Variants in TNRC18 observed in about 807,000 individuals in gnomAD.
The protein encoded by TNRC18 is trinucleotide repeat containing 18, also known as trinucleotide repeat-containing gene 18 protein.
TNRC18 carries 69 observed loss-of-function variants against 226.7 expected under a neutral mutation model. The ratio of observed to expected loss-of-function variants is 0.30; its 90% CI spans 0.25 to 0.37. The LOEUF (loss-of-function observed/expected upper bound fraction) is 0.37. Among genes scored for constraint, TNRC18 ranks in the 10% least tolerant of loss-of-function variants. TNRC18 has a pLI of 1.00. For missense variants in TNRC18, 4,754 were observed against 4,256.6 expected (o/e 1.12, Z -3.25); for synonymous variants, 2,449 against 1,927.6 (o/e 1.27, Z -7.09).
intron 27 of TNRC18, among the ~76,000 whole-genome samples, chr7:5,310,730 G>C (rs1434335535): frequency 2.0e-5 from 3 of 152,246 alleles, no homozygotes; most frequent in African/African-American, 7.2e-5. Flanking sequence ...TTCTAGAGCA[G>C]CTTTGGAAAT....
intron 14 of TNRC18, 39 bp from the exon 15 acceptor site, chr7:5,359,608 G>C: frequency 6.2e-7 from 1 of 1,610,794 alleles, no homozygotes; most frequent in Middle Eastern, 1.7e-4. Context: ...ACCCTGGCCA[G>C]ACAAGGCTCG....
At chr7:5,419,428 T>C (rs965843331) in intron 2 of TNRC18, among the ~76,000 whole-genome samples, 29 of 151,920 alleles carry the variant, frequency 1.9e-4, no homozygotes, top group African/African-American at 6.8e-4. Context: ...CTGCCACCAC[T>C]CCGGGCTGGA....
In TNRC18 at chr7:5,389,283, G is replaced by T; in HGVS notation, c.541C>A (p.Pro181Thr). Residue 181 changes from proline to threonine, a missense_variant, in exon 5 of 30, where the codon CCC becomes ACC. By Grantham distance (38) the Pro-to-Thr change is conservative. Coordinates refer to ENST00000430969, the MANE Select transcript of TNRC18 (RefSeq NM_001080495.3). Reference protein sequence around the residue: ...GAPGSLHSHAPSARTPGGGHS... With the variant: ...GAPGSLHSHATSARTPGGGHS... The stretch of plus-strand genomic sequence containing the variant: ...CCGCCGCCAGGGGTCCGGGCCGAGG[G>T]CGCGTGAGAGTGCAGGGAGCCCGGA... 1.6e-6 allele frequency: 2 copies of T among 1,290,108 alleles called. No homozygotes were observed. The highest frequency in any genetic ancestry group is 1.5e-5 in the African/African-American group (1 of 65,106). The allele number at this position is 1,290,108 out of a possible 1,614,324, so 79.9% of individuals were successfully genotyped here. A position where few individuals can be genotyped will look rare whatever the true frequency, so the allele number is the denominator to read the frequency against.
intron 17 of TNRC18, among the ~76,000 whole-genome samples, chr7:5,348,555 A>T (rs1791445364): frequency 6.6e-6 from 1 of 151,200 alleles, no homozygotes; most frequent in South Asian, 2.1e-4. Flanking sequence ...GGTTCTGTCT[A>T]CTCATGTATT....
chr7:5,422,326 G>C (rs553185912), intron 1 of TNRC18, among the ~76,000 whole-genome samples: 12 of 151,794 alleles, frequency 7.9e-5, no homozygotes, highest in African/African-American at 2.2e-4. Flanking sequence ...TCCTACTCTA[G>C]CTTCCCCCCC....
intron 5 of TNRC18, among the ~76,000 whole-genome samples, chr7:5,385,558 C>G (rs1779712178): frequency 6.6e-6 from 1 of 151,312 alleles, no homozygotes; most frequent in East Asian, 1.9e-4. Flanking sequence ...GTGGCGGGTG[C>G]CTGTGACCCC....
At chr7:5,414,415 CTT>C (rs768276882) in intron 2 of TNRC18, among the ~76,000 whole-genome samples, 1 of 151,010 alleles carries the variant, frequency 6.6e-6, no homozygotes, top group Admixed American at 6.6e-5. Context: ...AGTATTCTTT[CTT>C]TTGTTTTTTT....
intron 18 of TNRC18, 124 bp downstream of exon 18, chr7:5,345,438 G>C: frequency 1.0e-6 from 1 of 980,324 alleles, no homozygotes; most frequent in Non-Finnish European, 1.5e-6. Flanking sequence ...CACGAGGCTG[G>C]GGTTCTGCCC....
chr7:5,369,661 G>A (rs1562562478), intron 11 of TNRC18, among the ~76,000 whole-genome samples: 2 of 152,232 alleles, frequency 1.3e-5, no homozygotes, highest in East Asian at 1.9e-4. Context: ...TTGGTTTCTT[G>A]GCTTGAACAC....
At position 5,321,090 on chromosome 7, in the gene TNRC18, G is replaced by C. The variant is rs778257943; in HGVS notation, c.6543C>G (p.Thr2181=). 2 of 1,550,326 alleles carry C rather than the reference G, an allele frequency of 1.3e-6. No individual in the cohort carries two copies. The highest frequency in any genetic ancestry group is 8.7e-7 in the Non-Finnish European group (1 of 1,146,932). The change falls in exon 22 of 30, where the codon ACC becomes ACG. Residue 2181 remains threonine (T), a synonymous_variant. Coordinates refer to ENST00000430969, the MANE Select transcript of TNRC18 (RefSeq NM_001080495.3). ...CCACTCACATGTCTGGCGAGTGCACGGTCTGCACGTGCCCGGCGTACAGCA... is the reference window on the plus strand; with the variant it reads ...CCACTCACATGTCTGGCGAGTGCACCGTCTGCACGTGCCCGGCGTACAGCA... ...DKLLYAGHVQ[T]VHSPDIYRVV...
At chr7:5,361,500 T>A in intron 14 of TNRC18, 94 bp downstream of exon 14, 2 of 1,378,346 alleles carry the variant, frequency 1.5e-6, no homozygotes, top group Non-Finnish European at 1.9e-6. Flanking sequence ...GGACGCGAGG[T>A]CCCCCAGCAC....
At position 5,309,891 on chromosome 7, in the gene TNRC18, G is replaced by A. The variant is rs577082558; in HGVS notation, c.8389-523C>T. Among the ~76,000 whole-genome samples the A allele has an allele frequency of 2.6e-4, 39 of 152,158 alleles. No homozygotes were observed. The highest frequency in any genetic ancestry group is 9.2e-4 in the African/African-American group (38 of 41,500). On this transcript the variant is annotated intron_variant, in intron 27 of 29. Coordinates refer to ENST00000430969, the MANE Select transcript of TNRC18 (RefSeq NM_001080495.3). The surrounding 1 kb of genome is among the most constrained non-coding windows in gnomAD (Gnocchi z 5.7). ...CACTAGGATCGCAGTGTCAGCCACT[G>A]CACCTGGCCTTATTTTTCTTTTGAA...
intron 2 of TNRC18, among the ~76,000 whole-genome samples, chr7:5,399,061 C>T (rs1780899198): frequency 6.6e-6 from 1 of 152,204 alleles, no homozygotes; most frequent in Non-Finnish European, 1.5e-5. Context: ...GCCAGGCCAT[C>T]CTGCCTGGTC....
At chr7:5,407,814 G>A (rs562169602) in intron 2 of TNRC18, among the ~76,000 whole-genome samples, 3 of 152,088 alleles carry the variant, frequency 2.0e-5, no homozygotes, top group South Asian at 2.1e-4. Context: ...CCCCCCTACC[G>A]AGACTCCACC....
chr7:5,420,721 T>G, intron 2 of TNRC18: 9 of 543,280 alleles, frequency 1.7e-5, no homozygotes, highest in Non-Finnish European at 2.1e-5. Context: ...GGGGGCCGGT[T>G]TGTTCTTTTC....
chr7:5,376,959 G>A lies in TNRC18; in HGVS notation c.2496C>T (p.Ala832=), dbSNP rs375606030. Residue 832 remains alanine, a synonymous_variant, in exon 8 of 30, where the codon GCC becomes GCT. Transcript: ENST00000430969. The part of the protein sequence containing the change: ...LGPPSLHQGM[A]PAFPPGLGGS... ...CCCCCAGGCCAGGTGGGAACGCAGG[G>A]GCCATGCCCTGGTGCAGAGATGGGG... The A allele has an allele frequency of 4.4e-6, 7 of 1,589,882 alleles. No homozygotes were observed. In the South Asian group the frequency reaches 6.9e-5, roughly 16 times the overall value.
In TNRC18 at chr7:5,337,755, C is replaced by T. The variant is rs1264154079; in HGVS notation, c.5720-4706G>A. 3.9e-5 allele frequency among the ~76,000 whole-genome samples: 6 copies of T among 151,994 alleles called. No individual in the cohort carries two copies. In the East Asian group the frequency reaches 5.8e-4, roughly 15 times the overall value. On this transcript the variant is annotated intron_variant, in intron 18 of 29. Transcript: ENST00000430969. ...ATCCCAGCACTTTAGGAGGCTGAGGCGGGTGGATCATGAGCTCAGGAGTTC... is the reference window on the plus strand; with the variant it reads ...ATCCCAGCACTTTAGGAGGCTGAGGTGGGTGGATCATGAGCTCAGGAGTTC...
At position 5,377,332 on chromosome 7, in the gene TNRC18, C is replaced by CCCA; in HGVS notation, c.2461+38_2461+39insTGG. The CCCA allele has an allele frequency of 1.0e-6, 1 of 985,888 alleles. No homozygotes were observed. Among genetic ancestry groups the CCCA allele is most frequent in the Non-Finnish European group, 1.5e-6 (1 of 673,540 alleles). The allele number at this position is 985,888 out of a possible 1,614,324, so 61.1% of individuals were successfully genotyped here. On this transcript the variant is annotated intron_variant, in intron 7 of 29. Transcript: ENST00000430969. This position sits in a 1 kb window ranked among gnomAD's most constrained non-coding sequence, Gnocchi z 5.8. Reference sequence around the variant, plus strand: ...CCTGCACCCGCCCCCTCCCACCCCTCCCTCAGAGAAGGGGAGAGACCCTGT... The same window carrying CCCA: ...CCTGCACCCGCCCCCTCCCACCCCTCCCACCTCAGAGAAGGGGAGAGACCCTGT...
chr7:5,382,826 G>A (rs1192860810), intron 5 of TNRC18, among the ~76,000 whole-genome samples: 4 of 152,136 alleles, frequency 2.6e-5, no homozygotes, highest in Admixed American at 6.5e-5. Context: ...CCTCTGCACA[G>A]GTCCACGCCC....
Sources: gnomAD v4.1 joint callset for allele counts (sites outside exome capture counted in the v4.1 genomes callset) on GRCh38, gnomAD v4.1.1 for gene constraint, Gnocchi (gnomAD v3.1) non-coding constraint, MANE v1.5 for transcripts, NCBI Gene and HGNC (gene_info 2026-07-23, HGNC 2026-07-21) for gene names.